TMEM175: variants seen among roughly 807,000 people sequenced by gnomAD.
The protein encoded by TMEM175 is endosomal/lysosomal proton channel TMEM175.
In TMEM175, 36 loss-of-function variants were observed where a neutral mutation model predicts 36.5. That is an observed-to-expected ratio of 0.99 (90% CI 0.76 to 1.30). The LOEUF is 1.30. Ranked by LOEUF, TMEM175 falls within the 50% of genes most tolerant of loss-of-function variation. TMEM175 has a pLI of 0.00. For synonymous variants in TMEM175, 339 were observed against 313.4 expected (o/e 1.08, Z -0.86); for missense variants, 705 against 692.8 (o/e 1.02, Z -0.20).
At chr4:948,230 G>C (rs755067705) in intron 3 of TMEM175, 76 bp downstream of exon 3, 1 of 1,612,862 alleles carries the variant, frequency 6.2e-7, no homozygotes, top group Admixed American at 1.7e-5. Flanking sequence ...CCTGGCACAG[G>C]GTGCTGACCC....
At chr4:939,360 C>G (rs1057276231) in intron 1 of TMEM175, among the ~76,000 whole-genome samples, 3 of 152,160 alleles carry the variant, frequency 2.0e-5, no homozygotes, top group Non-Finnish European at 4.4e-5. Context: ...GCGGGCAGAT[C>G]ACTTGAGGTC....
At chr4:956,083 C>A in intron 10 of TMEM175, 193 bp downstream of exon 10, 1 of 803,978 alleles carries the variant, frequency 1.2e-6, no homozygotes, top group Non-Finnish European at 1.9e-6. Context: ...CCCTCCCTTC[C>A]CAGCGGCCCC....
At chr4:947,057 A>AC (rs146487859) in intron 1 of TMEM175, among the ~76,000 whole-genome samples, 3,645 of 128,366 alleles carry the variant, frequency 0.028, 96 homozygotes, top group East Asian at 0.14. Context: ...GGGCGCCGAG[A>AC]CCGAGGGAGA....
At chr4:956,654 G>A (rs1729697300) in intron 10 of TMEM175, 1 of 393,382 alleles carries the variant, frequency 2.5e-6, no homozygotes, top group Non-Finnish European at 4.6e-6. Flanking sequence ...AAGTTGGCCA[G>A]GCTGGTCTTG....
At chr4:953,065 C>G in intron 7 of TMEM175, 125 bp from the exon 8 acceptor site, 1 of 1,026,822 alleles carries the variant, frequency 9.7e-7, no homozygotes, top group Non-Finnish European at 1.4e-6. Context: ...TGCCATGCAG[C>G]CCGGGGCCAG....
intron 1 of TMEM175, among the ~76,000 whole-genome samples, chr4:939,642 G>A (rs1316268754): frequency 6.6e-6 from 1 of 152,202 alleles, no homozygotes; most frequent in Non-Finnish European, 1.5e-5. Context: ...CTTAAACCCA[G>A]GAGGTGGAGG....
intron 1 of TMEM175, among the ~76,000 whole-genome samples, chr4:945,417 C>T (rs1044249938): frequency 6.6e-5 from 10 of 152,114 alleles, no homozygotes; most frequent in African/African-American, 9.7e-5. Flanking sequence ...ATTCCAGCCT[C>T]GGTTTCTGTT....
intron 1 of TMEM175, among the ~76,000 whole-genome samples, chr4:947,250 C>A (rs1227355842): frequency 7.0e-6 from 1 of 143,574 alleles, no homozygotes; most frequent in Non-Finnish European, 1.5e-5. Flanking sequence ...GCCCCGAGAG[C>A]GAGAGCGGGG....
Position 953,320 on chromosome 4 carries a change from C to T in TMEM175, c.593C>T (p.Ala198Val). The T allele has an allele frequency of 3.1e-6, 5 of 1,613,682 alleles. No individual in the cohort carries two copies. The highest frequency in any genetic ancestry group is 4.2e-6 in the Non-Finnish European group (5 of 1,179,770). Residue 198 changes from alanine to valine, a missense_variant, in exon 8 of 11, where the codon GCA (alanine) becomes GTA (valine). Physicochemically the swap from Ala to Val is moderately conservative, Grantham distance 64. Coordinates refer to ENST00000264771, the MANE Select transcript of TMEM175 (RefSeq NM_032326.4). ...IVLQGPALCF[A>V]AAIFSLFFVP... Reference sequence around the variant, plus strand: ...CTCCAAGGCCCGGCCCTGTGCTTTGCAGCGGCCATCTTCTCTCTCTTCTTT... The same window carrying T: ...CTCCAAGGCCCGGCCCTGTGCTTTGTAGCGGCCATCTTCTCTCTCTTCTTT...
chr4:947,726 G>T lies in TMEM175; in HGVS notation c.-14G>T, dbSNP rs376553589. Reference sequence around the variant, plus strand: ...CCTCCCAGGCTCCTGTAACCGCCAGGCAGCGGCCCCGCCATGTCCCAGCCC... The same window carrying T: ...CCTCCCAGGCTCCTGTAACCGCCAGTCAGCGGCCCCGCCATGTCCCAGCCC... On this transcript the variant is annotated 5_prime_UTR_variant, in exon 2 of 11. Coordinates refer to ENST00000264771, the MANE Select transcript of TMEM175 (RefSeq NM_032326.4). 6 of 1,591,434 alleles carry T rather than the reference G, an allele frequency of 3.8e-6. 1 individual carries two copies. The African/African-American group carries it at 5.4e-5, about 14-fold the overall frequency.
In TMEM175 at chr4:958,420, C is replaced by T. The variant is rs377422638; in HGVS notation, c.1439C>T (p.Ala480Val). Residue 480 changes from alanine to valine, a missense_variant, in exon 11 of 11, where the codon GCC becomes GTC. Physicochemically the swap from Ala to Val is moderately conservative, Grantham distance 64. Coordinates refer to ENST00000264771, the MANE Select transcript of TMEM175 (RefSeq NM_032326.4). Reference sequence around the variant, plus strand: ...ACCCTGCGGGTCCTGCGGGGCCTCGCCCGGCCCGAACACCCCCCGCCAGCC... The same window carrying T: ...ACCCTGCGGGTCCTGCGGGGCCTCGTCCGGCCCGAACACCCCCCGCCAGCC... ...LATLRVLRGL[A>V]RPEHPPPAPT... 1.2e-4 allele frequency: 198 copies of T among 1,596,972 alleles called. No homozygotes were observed. In the East Asian group the frequency reaches 3.6e-3, roughly 29 times the overall value.
intron 1 of TMEM175, among the ~76,000 whole-genome samples, chr4:937,123 A>C (rs1726885443): frequency 6.6e-6 from 1 of 152,120 alleles, no homozygotes; most frequent in African/African-American, 2.4e-5. Context: ...TGCTTGTATC[A>C]GAACATGTAC....
intron 10 of TMEM175, chr4:956,443 GTTTT>G (rs748261443): frequency 6.0e-5 from 73 of 1,209,968 alleles, no homozygotes; most frequent in Admixed American, 2.7e-4. Flanking sequence ...TTTTTGTGGG[GTTTT>G]TTTTTTTTTT....
Position 955,835 on chromosome 4 carries a change from G to T in TMEM175, c.787G>T (p.Ala263Ser), listed in dbSNP as rs772912144. 1 of 1,614,118 alleles carries T rather than the reference G, an allele frequency of 6.2e-7. No homozygotes were observed. Among genetic ancestry groups the T allele is most frequent in the South Asian group, 1.1e-5 (1 of 91,092 alleles). Reference sequence around the variant, plus strand: ...GCCACTCAGCAAGGAGCGCGTGGAAGCCTTCAGCGACGGAGTCTACGCCAT... The same window carrying T: ...GCCACTCAGCAAGGAGCGCGTGGAATCCTTCAGCGACGGAGTCTACGCCAT... ...HEPLSKERVE[A>S]FSDGVYAIVA... The change falls in exon 10 of 11, where the codon GCC (alanine) becomes TCC (serine). Residue 263 changes from alanine to serine, a missense_variant. Physicochemically the swap from Ala to Ser is moderately conservative, Grantham distance 99 (BLOSUM62 1). Transcript: ENST00000264771.
Position 953,178 on chromosome 4 carries a change from CT to C in TMEM175, c.463-8del. 1 of 1,596,308 alleles carries C rather than the reference CT, an allele frequency of 6.3e-7. No individual in the cohort carries two copies. The highest frequency in any genetic ancestry group is 2.2e-5 in the East Asian group (1 of 44,612). ...CTTGGGGCCTGTGTCCTACAGCTTG[CT>C]TTTCCCGCAGGCACTGATTGTGGGG... On this transcript the variant is annotated splice_polypyrimidine_tract_variant and intron_variant, in intron 7 of 10. Transcript: ENST00000264771.
intron 1 of TMEM175, chr4:945,938 G>C (rs1390727164): frequency 6.6e-6 from 1 of 152,146 alleles, no homozygotes; most frequent in Non-Finnish European, 1.5e-5. Flanking sequence ...TTTCTAACAC[G>C]GCTCAATCCG....
intron 1 of TMEM175, among the ~76,000 whole-genome samples, chr4:938,169 G>A (rs1398457405): frequency 3.9e-5 from 6 of 152,164 alleles, no homozygotes; most frequent in Admixed American, 1.3e-4. Flanking sequence ...CTTCTATTCA[G>A]CATTGTACTA....
At chr4:949,395 A>G (rs1728582617) in intron 3 of TMEM175, among the ~76,000 whole-genome samples, 1 of 152,194 alleles carries the variant, frequency 6.6e-6, no homozygotes, top group Admixed American at 6.5e-5. Context: ...GGAGAGTCAA[A>G]AGCTCATTCA....
At chr4:953,390 A>G (rs984662496) in intron 8 of TMEM175, 36 bp downstream of exon 8, 9 of 1,567,066 alleles carry the variant, frequency 5.7e-6, no homozygotes, top group Non-Finnish European at 7.8e-6. Flanking sequence ...CCCAGGCAGG[A>G]ACGGGGGCCA....
Sources: gnomAD v4.1 joint callset for allele counts (sites outside exome capture counted in the v4.1 genomes callset) on GRCh38, gnomAD v4.1.1 for gene constraint, MANE v1.5 for transcripts, NCBI Gene and HGNC (gene_info 2026-07-23, HGNC 2026-07-21) for gene names.